The following KNDC1 variants were observed in gnomAD, a reference collection of about 807,000 sequenced individuals.
KNDC1 encodes the protein kinase non-catalytic C-lobe domain containing 1.
Under a neutral mutation model 172.8 loss-of-function variants are expected in KNDC1, and 106 were observed. That is an observed-to-expected ratio of 0.61 (90% CI 0.52 to 0.72). The LOEUF (loss-of-function observed/expected upper bound fraction) is 0.72. Among genes scored for constraint, KNDC1 ranks in the 30% least tolerant of loss-of-function variants. KNDC1 has a pLI of 0.00. For missense variants in KNDC1, 2,325 were observed against 2,394.5 expected, an observed-to-expected ratio of 0.97 and a Z score of 0.61; for synonymous variants, 1,083 against 1,062.2, an observed-to-expected ratio of 1.02 and a Z score of -0.38.
chr10:133,186,005 T>G lies in KNDC1; in HGVS notation c.657T>G (p.Pro219=), dbSNP rs1026529525. 6.6e-7 allele frequency: 1 copy of G among 1,524,156 alleles called. No homozygotes were observed. The highest frequency in any genetic ancestry group is 1.4e-5 in the African/African-American group (1 of 71,498). 94.4% of individuals were successfully genotyped at this position (1,524,156 alleles called of 1,614,324 possible). ...DVSESSWRER[P]APGNAGPRRP... is the part of the protein sequence containing the mutation. ...GCGAGAGCAGCTGGCGGGAGAGACC[T>G]GCCCCAGGAAACGCTGGGCCCAGGA... The change falls in exon 6 of 30, where the codon CCT becomes CCG. Residue 219 remains proline, a synonymous_variant. Coordinates refer to ENST00000304613, the MANE Select transcript of KNDC1 (RefSeq NM_152643.8).
chr10:133,207,358 T>G lies in KNDC1; in HGVS notation c.3794+7T>G, dbSNP rs1564896037. On this transcript the variant is annotated splice_region_variant and intron_variant, in intron 20 of 29. Coordinates refer to ENST00000304613, the MANE Select transcript of KNDC1 (RefSeq NM_152643.8). ...TGGCCTACCTGTACTCCAGGTGCGT[T>G]GGGAGAAAAGCTCACCCGGAAAAGG... The G allele has an allele frequency of 6.2e-7, 1 of 1,611,344 alleles. No individual in the cohort carries two copies. The highest frequency in any genetic ancestry group is 8.5e-7 in the Non-Finnish European group (1 of 1,178,906).
chr10:133,210,295 T>C (rs1845332952), intron 20 of KNDC1, among the ~76,000 whole-genome samples: 1 of 135,814 alleles, frequency 7.4e-6, no homozygotes, highest in Non-Finnish European at 1.5e-5. Flanking sequence ...GGCAGGAAAA[T>C]TGCTTGAACC....
rs751873815 is a variant in KNDC1 at position 133,206,782 on chromosome 10, AG to A, written c.3481+6del. On this transcript the variant is annotated splice_donor_5th_base_variant and intron_variant, in intron 18 of 29. Coordinates refer to ENST00000304613, the MANE Select transcript of KNDC1 (RefSeq NM_152643.8). ...CAGAAGGAAAAGAGGAACAAAGGTA[AG>A]GCCCCTGTGGGCACAGGTCCGAGAC... 6.2e-7 allele frequency: 1 copy of A among 1,613,992 alleles called. No homozygotes were observed. The highest frequency in any genetic ancestry group is 8.5e-7 in the Non-Finnish European group (1 of 1,179,906).
At chr10:133,199,359 C>G in intron 14 of KNDC1, 93 bp downstream of exon 14, 1 of 1,565,522 alleles carries the variant, frequency 6.4e-7, no homozygotes, top group Non-Finnish European at 8.7e-7. Context: ...CCCCCAGCCC[C>G]CCAGCCGAGA....
intron 1 of KNDC1, among the ~76,000 whole-genome samples, chr10:133,161,789 G>A (rs999806374): frequency 6.6e-6 from 1 of 152,178 alleles, no homozygotes; most frequent in Non-Finnish European, 1.5e-5. Flanking sequence ...CACATCCCAG[G>A]GTATCTGTTA....
Position 133,198,922 on chromosome 10 carries a change from G to A in KNDC1, c.2414G>A (p.Gly805Glu), listed in dbSNP as rs556208037. 1,488 of 1,576,478 alleles carry A rather than the reference G, an allele frequency of 9.4e-4. 2 individuals carry two copies. The highest frequency in any genetic ancestry group is 1.4e-3 in the Middle Eastern group (8 of 5,894). Residue 805 changes from glycine to glutamate, a missense_variant, in exon 14 of 30, where the codon GGA becomes GAA. Transcript: ENST00000304613. ...EQGPAEPIPP[G>E]VASGGLRPDA... ...GGGCCGGCTGAGCCGATCCCACCTG[G>A]AGTTGCTTCCGGGGGCCTCAGGCCC...
intron 21 of KNDC1, 106 bp from the exon 22 acceptor site, chr10:133,211,316 G>A: frequency 9.3e-7 from 1 of 1,071,022 alleles, no homozygotes; most frequent in East Asian, 2.6e-5. Flanking sequence ...TGCACACATG[G>A]AGCCTGGTCC....
At chr10:133,188,362 G>A (rs1001983688) in intron 6 of KNDC1, among the ~76,000 whole-genome samples, 177 bp from the exon 7 acceptor site, 1 of 152,094 alleles carries the variant, frequency 6.6e-6, no homozygotes, top group African/African-American at 2.4e-5. Context: ...GTCTCCCCAC[G>A]GCCCCCACAC....
intron 9 of KNDC1, 132 bp from the exon 10 acceptor site, chr10:133,195,531 A>T: frequency 1.3e-6 from 1 of 784,692 alleles, no homozygotes; most frequent in Non-Finnish European, 1.8e-6. Context: ...GATGCTGAGG[A>T]GGGGTCTTGA....
At chr10:133,213,866 G>A in intron 25 of KNDC1, 106 bp from the exon 26 acceptor site, 1 of 1,486,268 alleles carries the variant, frequency 6.7e-7, no homozygotes, top group Admixed American at 1.7e-5. Flanking sequence ...GCCAGTTGGA[G>A]CGGCCTCGTG....
chr10:133,176,664 C>A (rs11592720), intron 3 of KNDC1, among the ~76,000 whole-genome samples: 59,406 of 152,056 alleles, frequency 0.39, 13,430 homozygotes, highest in South Asian at 0.65. Flanking sequence ...TGGAATCCTC[C>A]CTGACCCATA....
chr10:133,207,547 G>A (rs1845239294), intron 20 of KNDC1, among the ~76,000 whole-genome samples, 196 bp downstream of exon 20: 1 of 152,248 alleles, frequency 6.6e-6, no homozygotes, highest in African/African-American at 2.4e-5. Flanking sequence ...AGTGGCCTCC[G>A]CCGCCTGTGG....
At chr10:133,169,170 G>A (rs976008108) in intron 3 of KNDC1, among the ~76,000 whole-genome samples, 1 of 152,202 alleles carries the variant, frequency 6.6e-6, no homozygotes, top group Non-Finnish European at 1.5e-5. Flanking sequence ...CTTGAAAGAA[G>A]AGTTTGGGGG....
chr10:133,183,795 CCG>C (rs948668956), intron 4 of KNDC1, 75 bp from the exon 5 acceptor site: 19 of 1,175,568 alleles, frequency 1.6e-5, no homozygotes, highest in Admixed American at 4.4e-5. Context: ...TTCAAAGGAT[CCG>C]GCCGTGTCGG....
At chr10:133,167,309 A>G (rs1853196662) in intron 1 of KNDC1, 72 bp from the exon 2 acceptor site, 1 of 1,419,538 alleles carries the variant, frequency 7.0e-7, no homozygotes, top group Non-Finnish European at 9.5e-7. Context: ...TCCCCAGGGA[A>G]TCGTCTCGGT....
chr10:133,224,393 C>T lies in KNDC1; in HGVS notation c.5019-266C>T, dbSNP rs925260012. ...AGACTGGGCTTGACTCTTCTTGGGA[C>T]GCTCAGCAGGGACGAGCCTGAGCCT... On this transcript the variant is annotated intron_variant, in intron 29 of 29. Transcript: ENST00000304613. This position sits in a 1 kb window ranked among gnomAD's most constrained non-coding sequence, Gnocchi z 5.4. 1.3e-5 allele frequency among the ~76,000 whole-genome samples: 2 copies of T among 152,112 alleles called. No homozygotes were observed. Among genetic ancestry groups the T allele is most frequent in the African/African-American group, 2.4e-5 (1 of 41,422 alleles).
In KNDC1 at chr10:133,168,246, T is replaced by C. The variant is rs1197762532; in HGVS notation, c.302-8T>C. On this transcript the variant is annotated splice_polypyrimidine_tract_variant and splice_region_variant and intron_variant, in intron 2 of 29. Transcript: ENST00000304613. The stretch of plus-strand genomic sequence containing the variant: ...AAGCCTTCTCTCCTTCTCTCTCTCC[T>C]CCCCAAGACGACCCTGAGGGTGCCT... 1 of 1,613,704 alleles carries C rather than the reference T, an allele frequency of 6.2e-7. No individual in the cohort carries two copies. Among genetic ancestry groups the C allele is most frequent in the East Asian group, 2.2e-5 (1 of 44,854 alleles).
chr10:133,214,254 C>T, intron 26 of KNDC1, 132 bp downstream of exon 26: 2 of 966,498 alleles, frequency 2.1e-6, no homozygotes, highest in Non-Finnish European at 3.0e-6. Flanking sequence ...TCCCTTGGAA[C>T]CACACCCGAC....
At chr10:133,194,728 G>A (rs1040925111) in intron 9 of KNDC1, among the ~76,000 whole-genome samples, 19 of 152,212 alleles carry the variant, frequency 1.2e-4, no homozygotes, top group Admixed American at 7.9e-4. Context: ...AGTCAGCCAC[G>A]TGGGAGTACT....
Sources: allele counts gnomAD v4.1 joint callset (sites outside exome capture counted in the v4.1 genomes callset), GRCh38; gene constraint gnomAD v4.1.1; non-coding constraint Gnocchi (gnomAD v3.1); transcripts MANE v1.5; gene names NCBI Gene and HGNC (gene_info 2026-07-23, HGNC 2026-07-21).